The following B3GALT1 variants were observed in gnomAD, a reference collection of about 807,000 sequenced individuals.
The protein encoded by B3GALT1 is beta-1,3-galactosyltransferase 1.
A neutral mutation model predicts 23.2 loss-of-function variants in B3GALT1; 10 were observed. The ratio of observed to expected loss-of-function variants is 0.43; its 90% CI spans 0.27 to 0.73. The LOEUF is 0.73. B3GALT1 is among the 30% of genes least tolerant of loss of function. The pLI, the probability that B3GALT1 is intolerant of heterozygous loss-of-function variation, is 0.21. For synonymous variants in B3GALT1, 156 were observed against 141.5 expected, an observed-to-expected ratio of 1.10 and a Z score of -0.73; for missense variants, 299 against 405.4, an observed-to-expected ratio of 0.74 and a Z score of 2.25.
chr2:167,800,854 C>T (rs1688627666), intron 3 of B3GALT1, among the ~76,000 whole-genome samples: 1 of 152,164 alleles, frequency 6.6e-6, no homozygotes, highest in Admixed American at 6.5e-5. Context: ...ACGTCTTCGC[C>T]TAGAAGTCCC....
At chr2:167,658,460 A>G (rs1685995059) in intron 3 of B3GALT1, among the ~76,000 whole-genome samples, 1 of 152,068 alleles carries the variant, frequency 6.6e-6, no homozygotes, top group African/African-American at 2.4e-5. Flanking sequence ...ACTTTATAGA[A>G]CAACTTCATC....
Position 167,869,885 on chromosome 2 carries a change from C to T in B3GALT1, c.846C>T (p.Asn282=), listed in dbSNP as rs761300250. The change falls in exon 5 of 5, where the codon AAC becomes AAT. Residue 282 remains asparagine (N), a synonymous_variant. Coordinates refer to ENST00000392690, the MANE Select transcript of B3GALT1 (RefSeq NM_020981.4). This position sits in a 1 kb window ranked among gnomAD's most constrained non-coding sequence, Gnocchi z 6.4. ...LRKLGIHPFQ[N]SGFNHWKMAY... ...AGCTGGGCATACATCCTTTCCAGAA[C>T]AGTGGCTTCAATCACTGGAAAATGG... 1.9e-6 allele frequency: 3 copies of T among 1,614,174 alleles called. No homozygotes were observed. The highest frequency in any genetic ancestry group is 2.2e-5 in the South Asian group (2 of 91,078).
intron 3 of B3GALT1, among the ~76,000 whole-genome samples, chr2:167,651,517 AAG>A (rs1685868546): frequency 1.3e-5 from 2 of 152,120 alleles, no homozygotes; most frequent in African/African-American, 4.8e-5. Flanking sequence ...CAGAGAGAAA[AAG>A]AGGTAAGTGC....
chr2:167,640,140 TATAAA>T (rs1445234528), intron 2 of B3GALT1, among the ~76,000 whole-genome samples: 1 of 152,126 alleles, frequency 6.6e-6, no homozygotes, highest in Non-Finnish European at 1.5e-5. Flanking sequence ...GCCAAGCAGT[TATAAA>T]ATATTTACTG....
chr2:167,482,752 A>G (rs1699576831), intron 1 of B3GALT1, among the ~76,000 whole-genome samples: 2 of 152,114 alleles, frequency 1.3e-5, no homozygotes, highest in African/African-American at 4.8e-5. Flanking sequence ...AGGCAGGAGA[A>G]TCACTTGAAC....
chr2:167,309,972 C>G (rs755201242), intron 1 of B3GALT1, among the ~76,000 whole-genome samples: 7 of 151,866 alleles, frequency 4.6e-5, no homozygotes, highest in Non-Finnish European at 1.0e-4. Flanking sequence ...ATGTACATAC[C>G]ACAAAAGAAA....
intron 1 of B3GALT1, among the ~76,000 whole-genome samples, chr2:167,353,828 C>T (rs1195647333): frequency 2.0e-5 from 3 of 152,036 alleles, no homozygotes; most frequent in Non-Finnish European, 2.9e-5. Context: ...TCTGATACCT[C>T]CTAGAGTTTT....
At chr2:167,763,706 A>AAT (rs1473096397) in intron 3 of B3GALT1, among the ~76,000 whole-genome samples, 8 of 151,650 alleles carry the variant, frequency 5.3e-5, no homozygotes, top group Non-Finnish European at 1.2e-4. Flanking sequence ...AAAAAAAAAA[A>AAT]AAAAACCTCT....
intron 4 of B3GALT1, among the ~76,000 whole-genome samples, chr2:167,843,389 A>G (rs577903042): frequency 2.0e-5 from 3 of 152,318 alleles, no homozygotes; most frequent in African/African-American, 7.2e-5. Flanking sequence ...ACACTTGACC[A>G]GATGCCCAGA....
At chr2:167,722,488 G>T (rs950249897) in intron 3 of B3GALT1, among the ~76,000 whole-genome samples, 4 of 152,134 alleles carry the variant, frequency 2.6e-5, no homozygotes, top group Non-Finnish European at 5.9e-5. Context: ...AGAAATCTTC[G>T]TTCCTTTTGA....
chr2:167,348,053 T>A (rs1205927690), intron 1 of B3GALT1, among the ~76,000 whole-genome samples: 3 of 152,206 alleles, frequency 2.0e-5, no homozygotes, highest in Non-Finnish European at 2.9e-5. Flanking sequence ...TTGTTTCATC[T>A]TCTGTGAAAT....
At position 167,324,461 on chromosome 2, in the gene B3GALT1, G is replaced by A. The variant is rs538335198; in HGVS notation, c.-511+31127G>A. ...ATGAGTAATCAATTATTTATAGATTGTCCACATGGCAACAAAAAATGTGCT... is the reference window on the plus strand; with the variant it reads ...ATGAGTAATCAATTATTTATAGATTATCCACATGGCAACAAAAAATGTGCT... On this transcript the variant is annotated intron_variant, in intron 1 of 4. Coordinates refer to ENST00000392690, the MANE Select transcript of B3GALT1 (RefSeq NM_020981.4). Among the ~76,000 whole-genome samples, 66 of 152,120 alleles carry A rather than the reference G, an allele frequency of 4.3e-4. No homozygotes were observed. In the South Asian group the frequency reaches 0.012, roughly 29 times the overall value.
rs565349979 is a variant in B3GALT1 at position 167,593,192 on chromosome 2, A to C, written c.-409-53717A>C. Reference sequence around the variant, plus strand: ...TTTAGCATTCATCATAATAGAAAAAATAGCAAACAACTGAAATACATATAA... The same window carrying C: ...TTTAGCATTCATCATAATAGAAAAACTAGCAAACAACTGAAATACATATAA... On this transcript the variant is annotated intron_variant, in intron 2 of 4. Coordinates refer to ENST00000392690, the MANE Select transcript of B3GALT1 (RefSeq NM_020981.4). 1.6e-3 allele frequency among the ~76,000 whole-genome samples: 246 copies of C among 152,332 alleles called. 1 individual carries two copies. Among genetic ancestry groups the C allele is most frequent in the African/African-American group, 5.6e-3 (234 of 41,580 alleles).
At chr2:167,337,513 A>G (rs186970552) in intron 1 of B3GALT1, among the ~76,000 whole-genome samples, 2 of 152,086 alleles carry the variant, frequency 1.3e-5, no homozygotes, top group Admixed American at 6.6e-5. Flanking sequence ...AGCATTTGGG[A>G]TGTATAATTA....
intron 1 of B3GALT1, among the ~76,000 whole-genome samples, chr2:167,447,000 C>T (rs1314123600): frequency 6.6e-6 from 1 of 152,130 alleles, no homozygotes; most frequent in Non-Finnish European, 1.5e-5. Context: ...GTTTTATCTA[C>T]CTTTGGTCTT....
At chr2:167,768,515 A>T (rs1332030210) in intron 3 of B3GALT1, among the ~76,000 whole-genome samples, 3 of 152,196 alleles carry the variant, frequency 2.0e-5, no homozygotes, top group African/African-American at 7.2e-5. Context: ...TATCCACTCT[A>T]GTGCAGAGGC....
chr2:167,661,253 C>T (rs993185049), intron 3 of B3GALT1, among the ~76,000 whole-genome samples: 1 of 152,038 alleles, frequency 6.6e-6, no homozygotes, highest in Non-Finnish European at 1.5e-5. Context: ...ATTGAAGATG[C>T]TTTTATAGCT....
rs117336865 is a variant in B3GALT1, at chr2:167,305,055, A to G, written c.-511+11721A>G. On this transcript the variant is annotated intron_variant, in intron 1 of 4. Coordinates refer to ENST00000392690, the MANE Select transcript of B3GALT1 (RefSeq NM_020981.4). Reference sequence around the variant, plus strand: ...GAAGATGATCTTTGTTACTCAGTCTACAGATTCAGATGCTCATCTCATCCA... The same window carrying G: ...GAAGATGATCTTTGTTACTCAGTCTGCAGATTCAGATGCTCATCTCATCCA... 1.8e-3 allele frequency among the ~76,000 whole-genome samples: 269 copies of G among 152,280 alleles called. 2 individuals are homozygous for G. The East Asian group carries it at 0.018, about 10-fold the overall frequency.
chr2:167,447,306 G>T (rs1208705893), intron 1 of B3GALT1, among the ~76,000 whole-genome samples: 2 of 152,206 alleles, frequency 1.3e-5, no homozygotes, highest in Non-Finnish European at 2.9e-5. Flanking sequence ...CTACTCCGGG[G>T]TCAGGGACCC....
Sources: gnomAD v4.1 joint callset for allele counts (sites outside exome capture counted in the v4.1 genomes callset) on GRCh38, gnomAD v4.1.1 for gene constraint, Gnocchi (gnomAD v3.1) non-coding constraint, MANE v1.5 for transcripts, NCBI Gene and HGNC (gene_info 2026-07-23, HGNC 2026-07-21) for gene names.